ANO4: variants seen among roughly 807,000 people sequenced by gnomAD.
ANO4 encodes the protein anoctamin-4.
ANO4 carries 69 observed loss-of-function variants against 141.9 expected under a neutral mutation model. The observed-to-expected ratio is 0.49, with a 90% confidence interval of 0.40 to 0.59. The LOEUF is 0.59. ANO4 is among the 20% of genes least tolerant of loss of function. The pLI, the probability that ANO4 is intolerant of heterozygous loss-of-function variation, is 0.00. For missense variants in ANO4, 894 were observed against 1,162.2 expected, an observed-to-expected ratio of 0.77 and a Z score of 3.36; for synonymous variants, 350 against 394.3, an observed-to-expected ratio of 0.89 and a Z score of 1.33.
intron 3 of ANO4, among the ~76,000 whole-genome samples, chr12:100,767,969 G>A (rs560462672): frequency 6.6e-6 from 1 of 152,202 alleles, no homozygotes; most frequent in African/African-American, 2.4e-5. Context: ...CTGGACCCTG[G>A]ATCTAGTGGA....
At chr12:100,854,654 T>G (rs1449417570) in intron 1 of ANO4, among the ~76,000 whole-genome samples, 1 of 152,196 alleles carries the variant, frequency 6.6e-6, no homozygotes, top group Non-Finnish European at 1.5e-5. Context: ...CAAAGCAACC[T>G]TTTATTCCCA....
intron 1 of ANO4, among the ~76,000 whole-genome samples, chr12:100,850,225 A>AT (rs2037795548): frequency 6.6e-6 from 1 of 152,176 alleles, no homozygotes; most frequent in African/African-American, 2.4e-5. Context: ...CTTATATATG[A>AT]TTAGAGTCAG....
intron 5 of ANO4, among the ~76,000 whole-genome samples, chr12:100,944,353 A>G (rs539974088): frequency 5.3e-5 from 8 of 150,714 alleles, no homozygotes; most frequent in African/African-American, 1.9e-4. Flanking sequence ...TATATACAAG[A>G]TAGTTTTGTT....
At chr12:100,720,206 C>T (rs949575016) in intron 1 of ANO4, among the ~76,000 whole-genome samples, 9 of 151,972 alleles carry the variant, frequency 5.9e-5, no homozygotes, top group East Asian at 1.9e-4. Context: ...CCAGGAAGGG[C>T]GTTGTGGTTA....
At chr12:101,081,631 A>G (rs1028263351) in intron 15 of ANO4, among the ~76,000 whole-genome samples, 2 of 152,228 alleles carry the variant, frequency 1.3e-5, no homozygotes, top group South Asian at 4.1e-4. Flanking sequence ...AACCTCGCAC[A>G]TTAGTTTGTC....
At chr12:100,778,445 G>A (rs370426076) in intron 3 of ANO4, among the ~76,000 whole-genome samples, 8 of 152,308 alleles carry the variant, frequency 5.3e-5, no homozygotes, top group African/African-American at 1.2e-4. Flanking sequence ...AGAACATTTA[G>A]TGTTGCATTC....
chr12:100,728,488 A>G (rs570168277), intron 1 of ANO4, among the ~76,000 whole-genome samples: 36 of 152,148 alleles, frequency 2.4e-4, no homozygotes, highest in Non-Finnish European at 4.6e-4. Context: ...TCTGCTCTCA[A>G]TTGCTTTTCT....
chr12:100,905,743 T>A (rs2040817384), intron 2 of ANO4, among the ~76,000 whole-genome samples: 2 of 152,132 alleles, frequency 1.3e-5, no homozygotes, highest in Non-Finnish European at 2.9e-5. Flanking sequence ...CTTTTAAAAA[T>A]AGCAGCTCTC....
At chr12:100,899,742 CTTG>C (rs1349073496) in intron 1 of ANO4, among the ~76,000 whole-genome samples, 1 of 152,152 alleles carries the variant, frequency 6.6e-6, no homozygotes, top group East Asian at 1.9e-4. Flanking sequence ...TCTTAGCAGA[CTTG>C]TTATTTTCCC....
At chr12:100,936,309 G>C (rs1181408882) in intron 3 of ANO4, among the ~76,000 whole-genome samples, 1 of 152,256 alleles carries the variant, frequency 6.6e-6, no homozygotes, top group African/African-American at 2.4e-5. Context: ...TGTGGTAGGG[G>C]CTGTCCTGTG....
intron 9 of ANO4, 64 bp from the exon 10 acceptor site, chr12:101,037,031 T>G: frequency 6.7e-7 from 1 of 1,497,996 alleles, no homozygotes. Flanking sequence ...CACTTATATT[T>G]GTTTTGAACA....
chr12:100,821,325 C>T (rs2036039788), intron 1 of ANO4, among the ~76,000 whole-genome samples: 1 of 151,956 alleles, frequency 6.6e-6, no homozygotes, highest in African/African-American at 2.4e-5. Context: ...GAAGGCCTTG[C>T]CTTTCTCTTA....
At chr12:100,764,992 T>G (rs1054211148) in intron 3 of ANO4, among the ~76,000 whole-genome samples, 3 of 152,176 alleles carry the variant, frequency 2.0e-5, no homozygotes, top group Admixed American at 2.0e-4. Context: ...GAGTTTGGAA[T>G]TGTTTCTTCT....
At chr12:101,090,097 A>G (rs2049694486) in intron 17 of ANO4, among the ~76,000 whole-genome samples, 1 of 152,228 alleles carries the variant, frequency 6.6e-6, no homozygotes, top group Non-Finnish European at 1.5e-5. Flanking sequence ...GTCAGGAAAC[A>G]ACAGGTGCTG....
chr12:100,725,108 A>G (rs2031050116), intron 1 of ANO4, among the ~76,000 whole-genome samples: 1 of 152,186 alleles, frequency 6.6e-6, no homozygotes, highest in Non-Finnish European at 1.5e-5. Flanking sequence ...TTGCAAAGTC[A>G]GTAGTTATGC....
chr12:100,955,632 G>T (rs1403469096), intron 5 of ANO4, among the ~76,000 whole-genome samples: 1 of 152,096 alleles, frequency 6.6e-6, no homozygotes, highest in Non-Finnish European at 1.5e-5. Context: ...AATATAAGCT[G>T]CCACAATATG....
At chr12:100,903,380 A>G (rs1244386877) in intron 2 of ANO4, among the ~76,000 whole-genome samples, 1 of 152,000 alleles carries the variant, frequency 6.6e-6, no homozygotes, top group Non-Finnish European at 1.5e-5. Context: ...CCCAGTACGT[A>G]CCAAATCCAG....
In ANO4 at chr12:101,020,042, T is replaced by C. The variant is rs771673326; in HGVS notation, c.743T>C (p.Ile248Thr). The change falls in exon 9 of 28, where the codon ATA becomes ACA. Residue 248 changes from isoleucine (I) to threonine (T), a missense_variant. By Grantham distance (89) the Ile-to-Thr change is moderately conservative. Coordinates refer to ENST00000392977, the MANE Select transcript of ANO4 (RefSeq NM_001286615.2). The part of the protein sequence containing the change: ...FSQQRIHHFI[I>T]HNKETFFNNA... ...TTAATATATGTATGCAGCTTCATCA[T>C]ACACAACAAAGAAACGTTCTTCAAC... 1.9e-6 allele frequency: 3 copies of C among 1,611,268 alleles called. No individual in the cohort carries two copies. Among genetic ancestry groups the C allele is most frequent in the Non-Finnish European group, 2.5e-6 (3 of 1,177,624 alleles).
chr12:101,096,528 G>A lies in ANO4; in HGVS notation c.1739-8G>A. 6.2e-7 allele frequency: 1 copy of A among 1,609,066 alleles called. No homozygotes were observed. Among genetic ancestry groups the A allele is most frequent in the Non-Finnish European group, 8.5e-7 (1 of 1,175,642 alleles). On this transcript the variant is annotated splice_polypyrimidine_tract_variant and splice_region_variant and intron_variant, in intron 18 of 27. Transcript: ENST00000392977. ...GCCTTTCAAACTCTGCTCACCTTTT[G>A]TCCACAGAACAGCCTCGCACAGAGT... is the stretch of plus-strand genomic sequence containing the variant.
Sources: gnomAD v4.1 joint callset for allele counts (sites outside exome capture counted in the v4.1 genomes callset) on GRCh38, gnomAD v4.1.1 for gene constraint, MANE v1.5 for transcripts, NCBI Gene and HGNC (gene_info 2026-07-23, HGNC 2026-07-21) for gene names.